The following TXNDC9 variants were observed in gnomAD, a reference collection of about 807,000 sequenced individuals.
TXNDC9 encodes the protein thioredoxin domain containing 9, also known as thioredoxin domain-containing protein 9.
Under a neutral mutation model 23.0 loss-of-function variants are expected in TXNDC9, and 7 were observed. That is an observed-to-expected ratio of 0.30 (90% CI 0.17 to 0.57). TXNDC9 has a LOEUF of 0.57. Among genes scored for constraint, TXNDC9 ranks in the 20% least tolerant of loss-of-function variants. The probability of loss-of-function intolerance (pLI) is 0.90; values close to 1 mark genes in which losing one functional copy is unlikely to be tolerated. For synonymous variants in TXNDC9, 72 were observed against 90.6 expected (o/e 0.79, Z 1.17); for missense variants, 198 against 252.6 (o/e 0.78, Z 1.47).
intron 2 of TXNDC9, among the ~76,000 whole-genome samples, chr2:99,331,387 C>T (rs1463368381): frequency 6.6e-6 from 1 of 151,320 alleles, no homozygotes; most frequent in Non-Finnish European, 1.5e-5. Flanking sequence ...CCAGCCTGAC[C>T]AACATGATGA....
intron 3 of TXNDC9, 106 bp downstream of exon 3, chr2:99,327,429 A>G: frequency 1.2e-6 from 1 of 801,806 alleles, no homozygotes; most frequent in Non-Finnish European, 2.1e-6. Context: ...CAACTTAGGA[A>G]GTTTTTTCTT....
At chr2:99,307,096 C>T in the TXNDC9 span, among the ~76,000 whole-genome samples, 1 of 126,332 alleles carries the variant, frequency 7.9e-6, no homozygotes, top group East Asian at 3.4e-4. Context: ...TTCTCACTCT[C>T]TCTCTCCTTC....
At chr2:99,331,357 T>C (rs1414723563) in intron 2 of TXNDC9, among the ~76,000 whole-genome samples, 1 of 151,654 alleles carries the variant, frequency 6.6e-6, no homozygotes, top group Non-Finnish European at 1.5e-5. Context: ...AGGCGGATCA[T>C]TTGAGGTCGG....
chr2:99,332,873 T>C (rs1441348435), intron 2 of TXNDC9, 149 bp downstream of exon 2: 2 of 650,834 alleles, frequency 3.1e-6, no homozygotes, highest in Non-Finnish European at 5.2e-6. Context: ...CATATTTTTT[T>C]CTGGGCAAAT....
chr2:99,330,154 G>A (rs2094221348), intron 2 of TXNDC9, among the ~76,000 whole-genome samples: 1 of 151,400 alleles, frequency 6.6e-6, no homozygotes, highest in Non-Finnish European at 1.5e-5. Context: ...GCCGGGCATG[G>A]TGGCAGGCGT....
chr2:99,309,486 G>A, the TXNDC9 span, among the ~76,000 whole-genome samples: 2 of 152,048 alleles, frequency 1.3e-5, no homozygotes, highest in Non-Finnish European at 2.9e-5. Flanking sequence ...TCCAGCCTAG[G>A]AGACAGAGTG....
intron 3 of TXNDC9, among the ~76,000 whole-genome samples, chr2:99,323,933 C>T (rs981000158): frequency 2.0e-5 from 3 of 152,078 alleles, no homozygotes; most frequent in Non-Finnish European, 4.4e-5. Flanking sequence ...GTAATCTCTG[C>T]CTCCTGGGTT....
intron 3 of TXNDC9, among the ~76,000 whole-genome samples, chr2:99,324,177 C>A (rs1397920108): frequency 2.6e-5 from 4 of 152,178 alleles, no homozygotes; most frequent in Admixed American, 2.6e-4. Flanking sequence ...CCAGATGAAT[C>A]AAAATTCTCT....
In TXNDC9 at chr2:99,322,001, C is replaced by G; in HGVS notation, c.517G>C (p.Glu173Gln). Residue 173 changes from glutamate to glutamine, a missense_variant, in exon 4 of 5, where the codon GAA becomes CAA. Glu to Gln is a conservative substitution (Grantham distance 29). Coordinates refer to ENST00000264255, the MANE Select transcript of TXNDC9 (RefSeq NM_005783.4). ...DLGNTDDFTT[E>Q]TLEWRLGSSD... ...GAACCGAGCCTCCATTCTAAAGTTT[C>G]TGTGGTGAAGTCATCTGTATTTCCT... 6.2e-7 allele frequency: 1 copy of G among 1,613,424 alleles called. No individual in the cohort carries two copies. The highest frequency in any genetic ancestry group is 8.5e-7 in the Non-Finnish European group (1 of 1,179,752).
intron 3 of TXNDC9, chr2:99,322,568 A>G (rs17022564): frequency 0.41 from 628,089 of 1,514,592 alleles, 132,462 homozygotes; most frequent in Admixed American, 0.61. Context: ...TACAAGAATC[A>G]GAAGTGCACA....
At chr2:99,333,432 T>A (rs1167868530) in intron 1 of TXNDC9, among the ~76,000 whole-genome samples, 190 bp from the exon 2 acceptor site, 2 of 152,212 alleles carry the variant, frequency 1.3e-5, no homozygotes, top group Non-Finnish European at 2.9e-5. Context: ...TAGGTTCTAG[T>A]CACACCACTC....
At chr2:99,311,426 T>G in the TXNDC9 span, among the ~76,000 whole-genome samples, 1 of 152,166 alleles carries the variant, frequency 6.6e-6, no homozygotes, top group Non-Finnish European at 1.5e-5. Flanking sequence ...TAACTAGAAT[T>G]ACAAGTGCGT....
the TXNDC9 span, among the ~76,000 whole-genome samples, chr2:99,306,308 AGT>A: frequency 1.3e-5 from 2 of 152,214 alleles, no homozygotes; most frequent in African/African-American, 4.8e-5. Flanking sequence ...CTTTGAGACA[AGT>A]GTGAACGTTT....
chr2:99,334,354 C>G (rs1324824068), intron 1 of TXNDC9, among the ~76,000 whole-genome samples: 5 of 152,060 alleles, frequency 3.3e-5, no homozygotes, highest in African/African-American at 1.2e-4. Flanking sequence ...GACCCTGTCT[C>G]AAAAACCAAA....
At chr2:99,316,339 T>C (rs1399455564), downstream of TXNDC9, among the ~76,000 whole-genome samples, 7 of 151,952 alleles carry the variant, frequency 4.6e-5, no homozygotes, top group East Asian at 9.7e-4. Flanking sequence ...CCTGGCTAAT[T>C]TTTAAAAATT....
At chr2:99,334,957 G>C (rs1021333719) in intron 1 of TXNDC9, among the ~76,000 whole-genome samples, 1 of 152,122 alleles carries the variant, frequency 6.6e-6, no homozygotes, top group African/African-American at 2.4e-5. Context: ...CTCGTGATCC[G>C]CCCGCCTCGG....
intron 2 of TXNDC9, among the ~76,000 whole-genome samples, chr2:99,330,803 C>T (rs2094223648): frequency 6.6e-6 from 1 of 152,186 alleles, no homozygotes; most frequent in African/African-American, 2.4e-5. Flanking sequence ...ACTGCATAAT[C>T]TAATTACTGT....
chr2:99,307,639 A>C, the TXNDC9 span, among the ~76,000 whole-genome samples: 1 of 115,864 alleles, frequency 8.6e-6, no homozygotes, highest in African/African-American at 3.4e-5. Context: ...AAGTTTGAAA[A>C]GATTTGTAGA....
intron 3 of TXNDC9, among the ~76,000 whole-genome samples, chr2:99,324,830 C>T (rs556030130): frequency 6.6e-6 from 1 of 152,352 alleles, no homozygotes; most frequent in Admixed American, 6.5e-5. Context: ...AATGCAACCT[C>T]CGCCTCCCAG....
Sources: allele counts gnomAD v4.1 joint callset (sites outside exome capture counted in the v4.1 genomes callset), GRCh38; gene constraint gnomAD v4.1.1; transcripts MANE v1.5; gene names NCBI Gene and HGNC (gene_info 2026-07-23, HGNC 2026-07-21).